Variants in MACROD2 observed in about 807,000 individuals in gnomAD.
MACROD2 encodes ADP-ribose glycohydrolase MACROD2.
MACROD2 carries 36 observed loss-of-function variants against 70.4 expected under a neutral mutation model. The observed-to-expected ratio is 0.51, with a 90% CI of 0.39 to 0.68. MACROD2 has a LOEUF of 0.68. Among genes scored for constraint, MACROD2 ranks in the 30% least tolerant of loss-of-function variants. MACROD2 has a pLI of 0.00. For missense variants in MACROD2, 496 were observed against 538.4 expected (o/e 0.92, Z 0.78); for synonymous variants, 172 against 178.8 (o/e 0.96, Z 0.30).
intron 3 of MACROD2, among the ~76,000 whole-genome samples, chr20:14,336,783 C>T (rs1178989982): frequency 6.6e-6 from 1 of 152,136 alleles, no homozygotes; most frequent in Admixed American, 6.5e-5. Flanking sequence ...AAGAGTGTCT[C>T]CCCCTCCTCT....
At chr20:15,933,771 G>T (rs1187711497) in intron 11 of MACROD2, among the ~76,000 whole-genome samples, 1 of 152,170 alleles carries the variant, frequency 6.6e-6, no homozygotes, top group Non-Finnish European at 1.5e-5. Context: ...ATTAAATTTT[G>T]AAGAGCTATG....
intron 2 of MACROD2, among the ~76,000 whole-genome samples, chr20:14,013,674 C>CA (rs71335940): frequency 7.0e-5 from 5 of 70,944 alleles, no homozygotes; most frequent in African/African-American, 1.2e-4. Context: ...TTATATTAAG[C>CA]TTTTTTTTTT....
intron 5 of MACROD2, among the ~76,000 whole-genome samples, chr20:14,840,033 C>CTT (rs71190154): frequency 0.019 from 2,756 of 142,362 alleles, 91 homozygotes; most frequent in African/African-American, 0.061. Context: ...GTCTCCATGT[C>CTT]TTTTTTTTTT....
At chr20:15,111,703 A>G (rs1032516454) in intron 5 of MACROD2, among the ~76,000 whole-genome samples, 2 of 152,234 alleles carry the variant, frequency 1.3e-5, no homozygotes, top group Non-Finnish European at 2.9e-5. Context: ...TGGGCATCAC[A>G]TACAAGTATC....
chr20:15,243,361 A>G (rs185060773), intron 6 of MACROD2, among the ~76,000 whole-genome samples: 115 of 152,326 alleles, frequency 7.5e-4, no homozygotes, highest in African/African-American at 2.6e-3. Flanking sequence ...GAACTGAGGC[A>G]AAATACCTTG....
intron 3 of MACROD2, among the ~76,000 whole-genome samples, chr20:14,330,036 G>A (rs149651191): frequency 3.3e-4 from 50 of 151,790 alleles, no homozygotes; most frequent in African/African-American, 1.2e-3. Flanking sequence ...TTAGCATACT[G>A]AGTTTGAAAA....
chr20:14,282,372 G>T (rs1275835645), intron 3 of MACROD2, among the ~76,000 whole-genome samples: 1 of 152,194 alleles, frequency 6.6e-6, no homozygotes, highest in African/African-American at 2.4e-5. Context: ...GGGCTAGGAA[G>T]TTGAAGATGA....
chr20:15,357,060 A>C (rs577188727), intron 6 of MACROD2, among the ~76,000 whole-genome samples: 1 of 152,322 alleles, frequency 6.6e-6, no homozygotes, highest in Non-Finnish European at 1.5e-5. Context: ...CTATCCAATT[A>C]GTCTAGATGC....
intron 8 of MACROD2, among the ~76,000 whole-genome samples, chr20:15,799,978 C>T (rs151105908): frequency 1.8e-4 from 27 of 151,888 alleles, no homozygotes; most frequent in Non-Finnish European, 2.9e-4. Context: ...ATAATAGCTA[C>T]GCTGATTGGA....
chr20:15,479,749 A>G (rs1437919553), intron 7 of MACROD2, among the ~76,000 whole-genome samples: 3 of 152,192 alleles, frequency 2.0e-5, no homozygotes, highest in Admixed American at 6.5e-5. Flanking sequence ...TCCTTAAGAG[A>G]AACCTGCAGA....
chr20:14,933,233 A>G (rs943939772), intron 5 of MACROD2, among the ~76,000 whole-genome samples: 23 of 152,272 alleles, frequency 1.5e-4, no homozygotes, highest in Admixed American at 6.5e-4. Flanking sequence ...AATTCTTACA[A>G]TCATAGAAAC....
chr20:14,562,234 G>T (rs1979483935), intron 4 of MACROD2, among the ~76,000 whole-genome samples: 1 of 151,868 alleles, frequency 6.6e-6, no homozygotes, highest in Admixed American at 6.6e-5. Flanking sequence ...CATGGAAAGA[G>T]ATTTGGAAAC....
chr20:15,807,742 G>T (rs1034560456), intron 8 of MACROD2, among the ~76,000 whole-genome samples: 2 of 152,084 alleles, frequency 1.3e-5, no homozygotes, highest in African/African-American at 4.8e-5. Flanking sequence ...GCTATCAGAA[G>T]ATTTTAATTA....
At chr20:15,871,218 T>C (rs1240969182) in intron 9 of MACROD2, among the ~76,000 whole-genome samples, 1 of 151,580 alleles carries the variant, frequency 6.6e-6, no homozygotes, top group East Asian at 1.9e-4. Flanking sequence ...TTTAAAGTTC[T>C]CAAAAATTAA....
chr20:15,775,054 C>T (rs76143785), intron 8 of MACROD2, among the ~76,000 whole-genome samples: 7 of 151,998 alleles, frequency 4.6e-5, no homozygotes, highest in African/African-American at 1.7e-4. Flanking sequence ...GAAGTGTAGC[C>T]TCCAGTCAGA....
At chr20:15,871,083 G>A (rs1039718884) in intron 9 of MACROD2, among the ~76,000 whole-genome samples, 2 of 150,872 alleles carry the variant, frequency 1.3e-5, no homozygotes, top group African/African-American at 4.9e-5. Flanking sequence ...TGTTGAGGCA[G>A]GAGAATTGCT....
intron 6 of MACROD2, among the ~76,000 whole-genome samples, chr20:15,348,387 G>A (rs1708921382): frequency 6.6e-6 from 1 of 152,174 alleles, no homozygotes; most frequent in East Asian, 1.9e-4. Flanking sequence ...TTAAGCCTCT[G>A]AAATTTGAGG....
intron 8 of MACROD2, among the ~76,000 whole-genome samples, chr20:15,764,599 C>T (rs2051492217): frequency 6.6e-6 from 1 of 152,116 alleles, no homozygotes; most frequent in African/African-American, 2.4e-5. Flanking sequence ...AGCCACCTAC[C>T]AGTTTTATTA....
chr20:14,737,253 A>C (rs2123712868), intron 5 of MACROD2, among the ~76,000 whole-genome samples: 1 of 152,210 alleles, frequency 6.6e-6, no homozygotes, highest in Admixed American at 6.5e-5. Context: ...GGTTTCCAGC[A>C]TCATCCATGT....
Sources: gnomAD v4.1 joint callset for allele counts (sites outside exome capture counted in the v4.1 genomes callset) on GRCh38, gnomAD v4.1.1 for gene constraint, MANE v1.5 for transcripts, NCBI Gene and HGNC (gene_info 2026-07-23, HGNC 2026-07-21) for gene names.